Variants in PROP1 observed in about 807,000 individuals in gnomAD.
PROP1 encodes homeobox protein prophet of Pit-1.
PROP1 carries 12 observed loss-of-function variants against 22.3 expected under a neutral mutation model. The ratio of observed to expected loss-of-function variants is 0.54; its 90% confidence interval spans 0.34 to 0.87. The LOEUF is 0.87. Among genes scored for constraint, PROP1 ranks in the 40% least tolerant of loss-of-function variants. The pLI, the probability that PROP1 is intolerant of heterozygous loss-of-function variation, is 0.01. For missense variants in PROP1, 278 were observed against 295.1 expected, an observed-to-expected ratio of 0.94 and a Z score of 0.43; for synonymous variants, 112 against 116.7, an observed-to-expected ratio of 0.96 and a Z score of 0.26.
At chr5:177,995,711 A>G in intron 1 of PROP1, 114 bp downstream of exon 1, 2 of 832,450 alleles carry the variant, frequency 2.4e-6, no homozygotes, top group East Asian at 2.6e-5. Context: ...CAGTTTTAAC[A>G]TGATAGGATT....
chr5:177,994,030 T>C, intron 2 of PROP1, 76 bp downstream of exon 2: 1 of 1,524,028 alleles, frequency 6.6e-7, no homozygotes, highest in Admixed American at 1.7e-5. Context: ...GTTAGGGTTA[T>C]AATGCCCAAC....
chr5:177,993,099 C>T, intron 2 of PROP1, 52 bp from the exon 3 acceptor site: 1 of 1,472,936 alleles, frequency 6.8e-7, no homozygotes, highest in Non-Finnish European at 9.4e-7. Context: ...TAGGTGGTGA[C>T]ACCCTACTCC....
chr5:177,993,988 T>G, intron 2 of PROP1, 118 bp downstream of exon 2: 9 of 1,034,692 alleles, frequency 8.7e-6, no homozygotes, highest in Non-Finnish European at 1.2e-5. Flanking sequence ...ATGCTGGTGG[T>G]GAGATGAGGC....
chr5:177,995,666 G>T (rs1400074767), intron 1 of PROP1, among the ~76,000 whole-genome samples, 159 bp downstream of exon 1: 1 of 152,176 alleles, frequency 6.6e-6, no homozygotes, highest in Non-Finnish European at 1.5e-5. Flanking sequence ...AAAGCCAAGG[G>T]GTGCTCCAGT....
intron 2 of PROP1, 107 bp from the exon 3 acceptor site, chr5:177,993,154 G>T: frequency 1.1e-6 from 1 of 951,836 alleles, no homozygotes; most frequent in Non-Finnish European, 1.6e-6. Flanking sequence ...CTCCAGCATG[G>T]CCAGAGGGAG....
rs121917839 is a variant in PROP1, at chr5:177,993,032, G to A, written c.358C>T (p.Arg120Cys). The A allele has an allele frequency of 3.1e-5, 50 of 1,613,404 alleles. No individual in the cohort carries two copies. In the Admixed American group the frequency reaches 3.7e-4, roughly 12 times the overall value. Reference protein sequence around the residue: ...EARIQVWFQNRRAKQRKQERS... With the variant: ...EARIQVWFQNCRAKQRKQERS... ...TCTTGCTTCCGTTGCTTAGCTCTGC[G>A]GTTCTGGAACCAGACCTGAGAAGGG... The change falls in exon 3 of 3, where the codon CGC becomes TGC. Residue 120 changes from arginine (R) to cysteine (C), a missense_variant. Physicochemically the swap from Arg to Cys is radical, Grantham distance 180. Transcript: ENST00000308304.
chr5:177,994,183 C>T lies in PROP1; in HGVS notation c.265G>A (p.Gly89Arg). 1 of 1,614,154 alleles carries T rather than the reference C, an allele frequency of 6.2e-7. No individual in the cohort carries two copies. ...VQLEQLESAF[G>R]RNQYPDIWAR... ...CAGATGTCGGGGTACTGGTTCCTCC[C>T]AAAGGCTGACTCCAGCTGTTCCAAC... The change falls in exon 2 of 3, where the codon GGG becomes AGG. Residue 89 changes from glycine to arginine, a missense_variant. Coordinates refer to ENST00000308304, the MANE Select transcript of PROP1 (RefSeq NM_006261.5).
In PROP1 at chr5:177,992,665, G is replaced by A. The variant is rs568853711; in HGVS notation, c.*44C>T. 3.2e-5 allele frequency: 44 copies of A among 1,374,018 alleles called. No individual in the cohort carries two copies. In the South Asian group the frequency reaches 4.6e-4, roughly 14 times the overall value. The allele number at this position is 1,374,018 out of a possible 1,614,324, so 85.1% of individuals were successfully genotyped here. A position where few individuals can be genotyped will look rare whatever the true frequency, so the allele number is the denominator to read the frequency against. On this transcript the variant is annotated 3_prime_UTR_variant, in exon 3 of 3. Transcript: ENST00000308304. Reference sequence around the variant, plus strand: ...CCACCCCATTTTCTTGTCTTTTCACGAGGGCCGCAGGCTGGGGATCACCTT... The same window carrying A: ...CCACCCCATTTTCTTGTCTTTTCACAAGGGCCGCAGGCTGGGGATCACCTT...
chr5:177,994,205 C>T lies in PROP1; in HGVS notation c.243G>A (p.Leu81=). 1 of 1,614,164 alleles carries T rather than the reference C, an allele frequency of 6.2e-7. No individual in the cohort carries two copies. The highest frequency in any genetic ancestry group is 2.2e-5 in the East Asian group (1 of 44,872). The change falls in exon 2 of 3, where the codon TTG becomes TTA. Residue 81 remains leucine, a synonymous_variant. Coordinates refer to ENST00000308304, the MANE Select transcript of PROP1 (RefSeq NM_006261.5). The part of the protein sequence containing the change: ...RHRTTFSPVQ[L]EQLESAFGRN... ...TCCCAAAGGCTGACTCCAGCTGTTC[C>T]AACTGCACTGGGCTGAAGGTGGTGC...
Position 177,994,145 on chromosome 5 carries a change from A to G in PROP1, c.303T>C (p.Ser101=), listed in dbSNP as rs114584451. 2.8e-5 allele frequency: 45 copies of G among 1,613,812 alleles called. No individual in the cohort carries two copies. In the African/African-American group the frequency reaches 5.6e-4, roughly 20 times the overall value. Reference sequence around the variant, plus strand: ...CACTGAGGCCAGTGTCCCGGGCAAGACTCTCTCGGGCCCAGATGTCGGGGT... The same window carrying G: ...CACTGAGGCCAGTGTCCCGGGCAAGGCTCTCTCGGGCCCAGATGTCGGGGT... ...NQYPDIWARE[S]LARDTGLSEA... is the part of the protein sequence containing the mutation. The change falls in exon 2 of 3, where the codon AGT becomes AGC. Residue 101 remains serine, a synonymous_variant. Transcript: ENST00000308304.
chr5:177,995,182 T>C (rs989907380), intron 1 of PROP1, among the ~76,000 whole-genome samples: 2 of 151,790 alleles, frequency 1.3e-5, no homozygotes, highest in Non-Finnish European at 2.9e-5. Flanking sequence ...AGACACACCC[T>C]CCCCTACTTA....
At position 177,996,103 on chromosome 5, in the gene PROP1, CT is replaced by C; in HGVS notation, c.-171del. ...CAGGCAGCTGTCTCTGACTTTTTCA[CT>C]GTCTTTACTTTTTTTCTAATTGTTT... On this transcript the variant is annotated 5_prime_UTR_variant, in exon 1 of 3. Coordinates refer to ENST00000308304, the MANE Select transcript of PROP1 (RefSeq NM_006261.5). The C allele has an allele frequency of 1.5e-6, 1 of 649,630 alleles. No homozygotes were observed. Among genetic ancestry groups the C allele is most frequent in the Non-Finnish European group, 2.7e-6 (1 of 364,560 alleles). The allele number at this position is 649,630 out of a possible 1,614,324, so 40.2% of individuals were successfully genotyped here.
chr5:177,994,504 C>T (rs971971381), intron 1 of PROP1, among the ~76,000 whole-genome samples, 166 bp from the exon 2 acceptor site: 1 of 152,078 alleles, frequency 6.6e-6, no homozygotes, highest in South Asian at 2.1e-4. Flanking sequence ...GTGGTGTGAT[C>T]ACAGCTCACT....
At position 177,993,167 on chromosome 5, in the gene PROP1, A is replaced by C. The variant is rs1772696970; in HGVS notation, c.343-120T>G. 6.9e-6 allele frequency: 6 copies of C among 868,016 alleles called. No individual in the cohort carries two copies. In the South Asian group the frequency reaches 8.5e-5, roughly 12 times the overall value. 53.8% of individuals were successfully genotyped at this position (868,016 alleles called of 1,614,324 possible). The stretch of plus-strand genomic sequence containing the variant: ...TTCTCCAGCATGGCCAGAGGGAGTA[A>C]AGCTCTTCCACAAGGCTTGGCTGAG... On this transcript the variant is annotated intron_variant, in intron 2 of 2. Transcript: ENST00000308304.
Position 177,996,021 on chromosome 5 carries a change from T to C in PROP1, c.-88A>G. On this transcript the variant is annotated 5_prime_UTR_variant, in exon 1 of 3. Coordinates refer to ENST00000308304, the MANE Select transcript of PROP1 (RefSeq NM_006261.5). ...TCCTCTCCACACCTGTTCCCTCCCCTTCTCCCTCTGTGTATGCCACCCTCT... is the reference window on the plus strand; with the variant it reads ...TCCTCTCCACACCTGTTCCCTCCCCCTCTCCCTCTGTGTATGCCACCCTCT... 8.7e-7 allele frequency: 1 copy of C among 1,155,834 alleles called. No individual in the cohort carries two copies. Among genetic ancestry groups the C allele is most frequent in the Non-Finnish European group, 1.3e-6 (1 of 781,818 alleles). 71.6% of individuals were successfully genotyped at this position (1,155,834 alleles called of 1,614,324 possible).
rs765377668 is a variant in PROP1, at chr5:177,994,327, G to C, written c.121C>G (p.Pro41Ala). 3 of 1,598,820 alleles carry C rather than the reference G, an allele frequency of 1.9e-6. No homozygotes were observed. The Admixed American group carries it at 5.3e-5, about 28-fold the overall frequency. Reference protein sequence around the residue: ...TPTTTVDSSAPPCRRLPGAGG... With the variant: ...TPTTTVDSSAAPCRRLPGAGG... Reference sequence around the variant, plus strand: ...GCACCAGGGAGCCTTCTGCAGGGTGGAGCACTCGAGTCTGAGAACGGAGAG... The same window carrying C: ...GCACCAGGGAGCCTTCTGCAGGGTGCAGCACTCGAGTCTGAGAACGGAGAG... Residue 41 changes from proline to alanine, a missense_variant, in exon 2 of 3, where the codon CCA (proline) becomes GCA (alanine). Physicochemically the swap from Pro to Ala is conservative, Grantham distance 27 (BLOSUM62 -1). Coordinates refer to ENST00000308304, the MANE Select transcript of PROP1 (RefSeq NM_006261.5).
Position 177,996,135 on chromosome 5 carries a change from T to C in PROP1, c.-202A>G, listed in dbSNP as rs1755764445. ...TACTTTTTTTCTAATTGTTTCCTAATTCCCCCTTCCTTGGCTTGAGTGTCA... is the reference window on the plus strand; with the variant it reads ...TACTTTTTTTCTAATTGTTTCCTAACTCCCCCTTCCTTGGCTTGAGTGTCA... On this transcript the variant is annotated 5_prime_UTR_variant, in exon 1 of 3. Transcript: ENST00000308304. 4 of 607,864 alleles carry C rather than the reference T, an allele frequency of 6.6e-6. No homozygotes were observed. Among genetic ancestry groups the C allele is most frequent in the Admixed American group, 2.7e-5 (1 of 37,382 alleles). The allele number at this position is 607,864 out of a possible 1,614,324, so 37.7% of individuals were successfully genotyped here.
intron 1 of PROP1, 64 bp from the exon 2 acceptor site, chr5:177,994,402 G>A: frequency 7.1e-7 from 1 of 1,399,338 alleles, no homozygotes. Context: ...TGGACCACAT[G>A]TGCCTGTCCC....
chr5:177,992,960 A>T lies in PROP1; in HGVS notation c.430T>A (p.Ser144Thr). 6.2e-7 allele frequency: 1 copy of T among 1,613,834 alleles called. No homozygotes were observed. Among genetic ancestry groups the T allele is most frequent in the Non-Finnish European group, 8.5e-7 (1 of 1,179,924 alleles). ...GCAGTGGACTCTGGCAAGAAGCTGG[A>T]AAAGGCGGCAGGAGACAGATGGGCC... The part of the protein sequence containing the change: ...PLAHLSPAAF[S>T]SFLPESTACP... The change falls in exon 3 of 3, where the codon TCC becomes ACC. Residue 144 changes from serine (S) to threonine (T), a missense_variant. Transcript: ENST00000308304.
Sources: gnomAD v4.1 joint callset for allele counts (sites outside exome capture counted in the v4.1 genomes callset) on GRCh38, gnomAD v4.1.1 for gene constraint, MANE v1.5 for transcripts, NCBI Gene and HGNC (gene_info 2026-07-23, HGNC 2026-07-21) for gene names.